The following TOR1B variants were observed in gnomAD, a reference collection of about 807,000 sequenced individuals.
TOR1B encodes the protein torsin family 1 member B.
TOR1B carries 14 observed loss-of-function variants against 29.2 expected under a neutral mutation model. The observed-to-expected ratio is 0.48, with a 90% confidence interval of 0.32 to 0.75. The LOEUF (loss-of-function observed/expected upper bound fraction) is 0.75, where lower values mean the gene tolerates loss of function less well. Ranked by LOEUF, TOR1B falls within the 30% of genes least tolerant of loss-of-function variation. The pLI, the probability that TOR1B is intolerant of heterozygous loss-of-function variation, is 0.04. For synonymous variants in TOR1B, 166 were observed against 179.8 expected, an observed-to-expected ratio of 0.92 and a Z score of 0.62; for missense variants, 400 against 433.9, an observed-to-expected ratio of 0.92 and a Z score of 0.69.
chr9:129,806,312 A>C (rs1341216623), intron 2 of TOR1B, among the ~76,000 whole-genome samples: 2 of 152,176 alleles, frequency 1.3e-5, no homozygotes, highest in Non-Finnish European at 2.9e-5. Flanking sequence ...GAGTAATATA[A>C]ATGGTTGAGG....
Position 129,809,918 on chromosome 9 carries a change from G to T in TOR1B, c.*335G>T. ...TGGAAAACACGTGAATCTATTGCGC[G>T]CATTTGTCATTTAGCAAGATGGCAG... On this transcript the variant is annotated 3_prime_UTR_variant, in exon 5 of 5. Transcript: ENST00000259339. The T allele has an allele frequency of 8.2e-7, 1 of 1,216,222 alleles. No homozygotes were observed. Among genetic ancestry groups the T allele is most frequent in the Non-Finnish European group, 1.0e-6 (1 of 962,394 alleles). 75.3% of individuals were successfully genotyped at this position (1,216,222 alleles called of 1,614,324 possible).
intron 2 of TOR1B, 131 bp from the exon 3 acceptor site, chr9:129,807,057 G>C: frequency 1.3e-6 from 1 of 778,048 alleles, no homozygotes; most frequent in Non-Finnish European, 2.1e-6. Flanking sequence ...TACCTAGCGA[G>C]TGGGGGTGAG....
chr9:129,804,217 A>G lies in TOR1B; in HGVS notation c.344A>G (p.Lys115Arg). 6.2e-7 allele frequency: 1 copy of G among 1,614,244 alleles called. No homozygotes were observed. Among genetic ancestry groups the G allele is most frequent in the Non-Finnish European group, 8.5e-7 (1 of 1,180,036 alleles). Residue 115 changes from lysine to arginine, a missense_variant, in exon 2 of 5, where the codon AAG becomes AGG. By Grantham distance (26) the Lys-to-Arg change is conservative. Coordinates refer to ENST00000259339, the MANE Select transcript of TOR1B (RefSeq NM_014506.3). ...LSLHGWAGTG[K>R]NFVSQIVAEN... Reference sequence around the variant, plus strand: ...TTACACGGCTGGGCTGGCACAGGCAAGAATTTTGTCAGTCAAATTGTGGCT... The same window carrying G: ...TTACACGGCTGGGCTGGCACAGGCAGGAATTTTGTCAGTCAAATTGTGGCT...
chr9:129,809,419 CAT>C lies in TOR1B; in HGVS notation c.848_849del (p.His283ArgfsTer18), dbSNP rs1351641948. ...FIPFLPLEYRHVKMCVRAEMR... is the reference protein window; with the variant it reads ...FIPFLPLEYRXVKMCVRAEMR... ...CCCCTTCCTGCCTTTGGAGTACAGA[CAT>C]GTGAAAATGTGTGTGAGGGCCGAGA... On this transcript the variant is annotated frameshift_variant, in exon 5 of 5. Coordinates refer to ENST00000259339, the MANE Select transcript of TOR1B (RefSeq NM_014506.3). LOFTEE classifies it high-confidence loss of function. 6.8e-6 allele frequency: 11 copies of C among 1,614,080 alleles called. No homozygotes were observed. The highest frequency in any genetic ancestry group is 3.3e-4 in the Middle Eastern group (2 of 6,084).
intron 3 of TOR1B, 138 bp downstream of exon 3, chr9:129,807,501 C>A: frequency 9.7e-7 from 1 of 1,025,908 alleles, no homozygotes. Context: ...TACTGCTTTA[C>A]TTTTCCTTTG....
Position 129,809,917 on chromosome 9 carries a change from C to G in TOR1B, c.*334C>G. 1 of 1,217,812 alleles carries G rather than the reference C, an allele frequency of 8.2e-7. No individual in the cohort carries two copies. The highest frequency in any genetic ancestry group is 1.0e-6 in the Non-Finnish European group (1 of 963,436). The allele number at this position is 1,217,812 out of a possible 1,614,324, so 75.4% of individuals were successfully genotyped here. A position where few individuals can be genotyped will look rare whatever the true frequency, so the allele number is the denominator to read the frequency against. On this transcript the variant is annotated 3_prime_UTR_variant, in exon 5 of 5. Coordinates refer to ENST00000259339, the MANE Select transcript of TOR1B (RefSeq NM_014506.3). ...GTGGAAAACACGTGAATCTATTGCG[C>G]GCATTTGTCATTTAGCAAGATGGCA...
intron 1 of TOR1B, 79 bp from the exon 2 acceptor site, chr9:129,803,994 T>G: frequency 6.4e-7 from 1 of 1,573,732 alleles, no homozygotes. Context: ...CTTCTTGCTT[T>G]GGCCAGCTAA....
At chr9:129,808,778 C>G in intron 3 of TOR1B, 127 bp from the exon 4 acceptor site, 1 of 1,189,840 alleles carries the variant, frequency 8.4e-7, no homozygotes, top group Non-Finnish European at 1.2e-6. Context: ...CCTTGAACTC[C>G]CGACCTCAGG....
In TOR1B at chr9:129,809,953, T is replaced by C. The variant is rs1564179582; in HGVS notation, c.*370T>C. 4 of 1,187,684 alleles carry C rather than the reference T, an allele frequency of 3.4e-6. No homozygotes were observed. The allele number at this position is 1,187,684 out of a possible 1,614,324, so 73.6% of individuals were successfully genotyped here. A position where few individuals can be genotyped will look rare whatever the true frequency, so the allele number is the denominator to read the frequency against. ...TTTAGCAAGATGGCAGCAGTCCAGC[T>C]GTTCTTTGCAGCTGGAGATGAACTT... is the stretch of plus-strand genomic sequence containing the variant. On this transcript the variant is annotated 3_prime_UTR_variant, in exon 5 of 5. Transcript: ENST00000259339.
chr9:129,809,714 T>C lies in TOR1B; in HGVS notation c.*131T>C. 4 of 1,471,090 alleles carry C rather than the reference T, an allele frequency of 2.7e-6. No individual in the cohort carries two copies. The highest frequency in any genetic ancestry group is 1.4e-5 in the South Asian group (1 of 70,626). The allele number at this position is 1,471,090 out of a possible 1,614,324, so 91.1% of individuals were successfully genotyped here. ...CCTTAGACTTTTGGGTATAGAATCTTTTTTTTGAGAAGAGGTCTCACTCCG... is the reference window on the plus strand; with the variant it reads ...CCTTAGACTTTTGGGTATAGAATCTCTTTTTTGAGAAGAGGTCTCACTCCG... On this transcript the variant is annotated 3_prime_UTR_variant, in exon 5 of 5. Transcript: ENST00000259339.
Position 129,804,269 on chromosome 9 carries a change from G to C in TOR1B, c.396G>C (p.Lys132Asn). 2 of 1,614,222 alleles carry C rather than the reference G, an allele frequency of 1.2e-6. No individual in the cohort carries two copies. The highest frequency in any genetic ancestry group is 2.2e-5 in the East Asian group (1 of 44,882). Reference sequence around the variant, plus strand: ...AAAATCTTCACCCAAAAGGTCTGAAGAGTAACTTTGTCCACCTGTTTGTAT... The same window carrying C: ...AAAATCTTCACCCAAAAGGTCTGAACAGTAACTTTGTCCACCTGTTTGTAT... ...VAENLHPKGL[K>N]SNFVHLFVST... Residue 132 changes from lysine (K) to asparagine (N), a missense_variant, in exon 2 of 5, where the codon AAG becomes AAC. Coordinates refer to ENST00000259339, the MANE Select transcript of TOR1B (RefSeq NM_014506.3).
rs779998752 is a variant in TOR1B, at chr9:129,809,338, G to C, written c.770-4G>C. On this transcript the variant is annotated splice_polypyrimidine_tract_variant and splice_region_variant and intron_variant, in intron 4 of 4. Transcript: ENST00000259339. ...AGGAAACCCAGCTGTGTCTTGTTCT[G>C]CAGGTGGCCTGTGGCACAGTGGACT... 1 of 1,614,062 alleles carries C rather than the reference G, an allele frequency of 6.2e-7. No homozygotes were observed.
At chr9:129,806,120 C>CAAAAAAAAA (rs34263616) in intron 2 of TOR1B, among the ~76,000 whole-genome samples, 1 of 122,618 alleles carries the variant, frequency 8.2e-6, no homozygotes. Flanking sequence ...GACTCTATCT[C>CAAAAAAAAA]AAAAAAAAAA....
Position 129,810,295 on chromosome 9 carries a change from A to T in TOR1B, c.*712A>T. On this transcript the variant is annotated 3_prime_UTR_variant, in exon 5 of 5. Coordinates refer to ENST00000259339, the MANE Select transcript of TOR1B (RefSeq NM_014506.3). Reference sequence around the variant, plus strand: ...GGTGCAGACGGTGTCTGACCGGAGGATGTGGCCGTGCCCGCCGAGCACTCT... The same window carrying T: ...GGTGCAGACGGTGTCTGACCGGAGGTTGTGGCCGTGCCCGCCGAGCACTCT... 2 of 1,289,356 alleles carry T rather than the reference A, an allele frequency of 1.6e-6. No individual in the cohort carries two copies. The highest frequency in any genetic ancestry group is 2.0e-6 in the Non-Finnish European group (2 of 985,382). The allele number at this position is 1,289,356 out of a possible 1,614,324, so 79.9% of individuals were successfully genotyped here.
intron 2 of TOR1B, among the ~76,000 whole-genome samples, chr9:129,806,575 A>G (rs1182207014): frequency 6.6e-6 from 1 of 152,222 alleles, no homozygotes; most frequent in African/African-American, 2.4e-5. Flanking sequence ...TGGCTACGTT[A>G]GCAGTGAATG....
At chr9:129,803,535 C>T (rs2030292105) in intron 1 of TOR1B, 124 bp downstream of exon 1, 2 of 1,121,610 alleles carry the variant, frequency 1.8e-6, no homozygotes, top group African/African-American at 1.6e-5. Context: ...GGCGGTGGTC[C>T]CAGCTGGGGT....
rs2030662711 is a variant in TOR1B at position 129,808,909 on chromosome 9, G to A, written c.646G>A (p.Ala216Thr). Residue 216 changes from alanine (A) to threonine (T), a missense_variant, in exon 4 of 5, where the codon GCA becomes ACA. By Grantham distance (58) the Ala-to-Thr change is moderately conservative. Coordinates refer to ENST00000259339, the MANE Select transcript of TOR1B (RefSeq NM_014506.3). The part of the protein sequence containing the change: ...RKAIFIFLSN[A>T]GGDLITKTAL... ...TTATTTCTCTGGCAAACTCAGCAATGCAGGCGGGGACCTTATAACTAAGAC... is the reference window on the plus strand; with the variant it reads ...TTATTTCTCTGGCAAACTCAGCAATACAGGCGGGGACCTTATAACTAAGAC... 1 of 1,612,346 alleles carries A rather than the reference G, an allele frequency of 6.2e-7. No individual in the cohort carries two copies.
chr9:129,804,279 G>C lies in TOR1B; in HGVS notation c.406G>C (p.Val136Leu), dbSNP rs756186063. The C allele has an allele frequency of 1.9e-6, 3 of 1,614,156 alleles. No individual in the cohort carries two copies. Among genetic ancestry groups the C allele is most frequent in the Admixed American group, 1.7e-5 (1 of 60,020 alleles). The change falls in exon 2 of 5, where the codon GTC becomes CTC. Residue 136 changes from valine (V) to leucine (L), a missense_variant. Val to Leu is a conservative substitution (Grantham distance 32). Coordinates refer to ENST00000259339, the MANE Select transcript of TOR1B (RefSeq NM_014506.3). ...LHPKGLKSNF[V>L]HLFVSTLHFP... ...CCCAAAAGGTCTGAAGAGTAACTTT[G>C]TCCACCTGTTTGTATCGACTCTGCA...
At chr9:129,805,588 C>T (rs1191749342) in intron 2 of TOR1B, among the ~76,000 whole-genome samples, 1 of 152,212 alleles carries the variant, frequency 6.6e-6, no homozygotes, top group Admixed American at 6.5e-5. Flanking sequence ...TTCCACATCC[C>T]CAGCAGTGCA....
Sources: allele counts gnomAD v4.1 joint callset (sites outside exome capture counted in the v4.1 genomes callset), GRCh38; gene constraint gnomAD v4.1.1; transcripts MANE v1.5; gene names NCBI Gene and HGNC (gene_info 2026-07-23, HGNC 2026-07-21).